EMX1: variants seen among roughly 807,000 people sequenced by gnomAD.
The protein encoded by EMX1 is empty spiracles homeobox 1, also known as homeobox protein EMX1.
EMX1 carries 10 observed loss-of-function variants against 20.1 expected under a neutral mutation model. That is an observed-to-expected ratio of 0.50 (90% CI 0.31 to 0.84). The LOEUF is 0.84. Among genes scored for constraint, EMX1 ranks in the 40% least tolerant of loss-of-function variants. EMX1 has a pLI of 0.05. For synonymous variants in EMX1, 250 were observed against 200.4 expected (o/e 1.25, Z -2.09); for missense variants, 424 against 431.9 (o/e 0.98, Z 0.16).
In EMX1 at chr2:72,930,878, C is replaced by T. The variant is rs369645246; in HGVS notation, c.706-2909C>T. 6.6e-6 allele frequency among the ~76,000 whole-genome samples: 1 copy of T among 152,188 alleles called. No individual in the cohort carries two copies. Among genetic ancestry groups the T allele is most frequent in the Non-Finnish European group, 1.5e-5 (1 of 68,036 alleles). ...AAAAGTAGAAAGAAGAAAGAAACAT[C>T]ACCCACACTTTAGGTATATTTCCTT... On this transcript the variant is annotated intron_variant, in intron 2 of 2. Transcript: ENST00000258106. The surrounding 1 kb of genome is among the most constrained non-coding windows in gnomAD (Gnocchi z 4.4).
At chr2:72,924,555 G>A (rs948243243) in intron 2 of EMX1, 62 bp downstream of exon 2, 3 of 1,473,200 alleles carry the variant, frequency 2.0e-6, no homozygotes, top group African/African-American at 1.4e-5. Flanking sequence ...GAGGGTGCGC[G>A]GGTGCAGGAG....
chr2:72,926,498 C>T (rs573893895), intron 2 of EMX1: 6 of 195,042 alleles, frequency 3.1e-5, no homozygotes, highest in South Asian at 1.8e-4. Flanking sequence ...GGGAACCTGC[C>T]GTGGCAGCCT....
chr2:72,920,479 G>T (rs1441394082), intron 1 of EMX1, among the ~76,000 whole-genome samples: 1 of 152,194 alleles, frequency 6.6e-6, no homozygotes, highest in African/African-American at 2.4e-5. Context: ...CGCTGCAGAC[G>T]GATGCGCTCC....
intron 1 of EMX1, 171 bp from the exon 2 acceptor site, chr2:72,924,138 G>A: frequency 1.3e-6 from 1 of 788,884 alleles, no homozygotes; most frequent in Non-Finnish European, 2.1e-6. Context: ...ACTTAGGGAA[G>A]GGGCGGCAAA....
intron 1 of EMX1, among the ~76,000 whole-genome samples, chr2:72,923,037 T>G (rs373535839): frequency 1.3e-5 from 2 of 152,212 alleles, no homozygotes; most frequent in Non-Finnish European, 2.9e-5. Flanking sequence ...GGGCCTGTTA[T>G]GAGTCTGTTA....
chr2:72,931,883 G>A (rs971089585), intron 2 of EMX1, among the ~76,000 whole-genome samples: 6 of 152,244 alleles, frequency 3.9e-5, no homozygotes, highest in African/African-American at 7.2e-5. Flanking sequence ...GGCAGATGGC[G>A]CAGTGGAAGT....
At position 72,917,988 on chromosome 2, in the gene EMX1, G is replaced by C; in HGVS notation, c.136G>C (p.Glu46Gln). ...QPAAKRGFTI[E>Q]SLVAKDGGTG... ...CGCGGCCAAGCGCGGCTTTACCATAGAGTCCTTGGTGGCCAAGGACGGCGG... is the reference window on the plus strand; with the variant it reads ...CGCGGCCAAGCGCGGCTTTACCATACAGTCCTTGGTGGCCAAGGACGGCGG... The change falls in exon 1 of 3, where the codon GAG becomes CAG. Residue 46 changes from glutamate to glutamine, a missense_variant. Glu to Gln is a conservative substitution (Grantham distance 29). Transcript: ENST00000258106. 6.7e-7 allele frequency: 1 copy of C among 1,482,310 alleles called. No individual in the cohort carries two copies. The allele number at this position is 1,482,310 out of a possible 1,614,324, so 91.8% of individuals were successfully genotyped here. A position where few individuals can be genotyped will look rare whatever the true frequency, so the allele number is the denominator to read the frequency against.
At chr2:72,916,640 C>G (rs1559055733), upstream of EMX1, 1 of 702,542 alleles carries the variant, frequency 1.4e-6, no homozygotes, top group East Asian at 2.7e-5. Flanking sequence ...CGAGGGAGGT[C>G]AGGCTGCTTC....
intron 2 of EMX1, chr2:72,925,861 G>A (rs1399817737): frequency 3.0e-6 from 3 of 985,302 alleles, no homozygotes; most frequent in Middle Eastern, 5.2e-4. Flanking sequence ...ACGGGTCGGA[G>A]GCAGGACCCG....
chr2:72,920,870 G>A (rs1671090328), intron 1 of EMX1, among the ~76,000 whole-genome samples: 1 of 152,218 alleles, frequency 6.6e-6, no homozygotes, highest in African/African-American at 2.4e-5. Context: ...GGAACTTTCC[G>A]GGTCTAGGAG....
At chr2:72,916,726 G>C (rs1029212252), upstream of EMX1, 1 of 717,404 alleles carries the variant, frequency 1.4e-6, no homozygotes, top group South Asian at 1.5e-5. Flanking sequence ...AAGCCACAGT[G>C]TCTCCGAGGC....
At position 72,917,519 on chromosome 2, in the gene EMX1, A is replaced by C; in HGVS notation, c.-334A>C. On this transcript the variant is annotated 5_prime_UTR_variant, in exon 1 of 3. Coordinates refer to ENST00000258106, the MANE Select transcript of EMX1 (RefSeq NM_004097.3). ...GGCGAGCGCGGGGCAGGTGCCCGCT[A>C]ACTCGCGCCTCGCAGCGCTGGGCGG... 1 of 184,466 alleles carries C rather than the reference A, an allele frequency of 5.4e-6. No individual in the cohort carries two copies. Among genetic ancestry groups the C allele is most frequent in the Non-Finnish European group, 1.1e-5 (1 of 90,132 alleles). The allele number at this position is 184,466 out of a possible 1,614,324, so 11.4% of individuals were successfully genotyped here. A position where few individuals can be genotyped will look rare whatever the true frequency, so the allele number is the denominator to read the frequency against.
intron 2 of EMX1, among the ~76,000 whole-genome samples, chr2:72,928,715 T>A (rs1231643461): frequency 1.3e-5 from 2 of 152,030 alleles, no homozygotes; most frequent in East Asian, 3.9e-4. Context: ...TCTTACTGAG[T>A]GATGAAGGCT....
At chr2:72,923,471 G>A (rs1671136632) in intron 1 of EMX1, 2 of 152,246 alleles carry the variant, frequency 1.3e-5, no homozygotes, top group Non-Finnish European at 2.9e-5. Context: ...GGAGTCTCCA[G>A]TGTGTGTGTT....
chr2:72,933,894 G>A lies in EMX1; in HGVS notation c.813G>A (p.Arg271=). The A allele has an allele frequency of 6.2e-7, 1 of 1,614,266 alleles. No homozygotes were observed. Among genetic ancestry groups the A allele is most frequent in the Non-Finnish European group, 8.5e-7 (1 of 1,180,048 alleles). ...AGAAGGGCTCCCATCACATCAACCG[G>A]TGGCGCATTGCCACGAAGCAGGCCA... ...QKKKGSHHIN[R]WRIATKQANG... Residue 271 remains arginine, a synonymous_variant, in exon 3 of 3, where the codon CGG becomes CGA. Transcript: ENST00000258106.
upstream of EMX1, chr2:72,916,421 G>T: frequency 1.9e-6 from 1 of 540,254 alleles, no homozygotes; most frequent in Non-Finnish European, 3.3e-6. Context: ...CAAGGTCCAG[G>T]TCCCAGCCTC....
intron 2 of EMX1, 108 bp from the exon 3 acceptor site, chr2:72,933,679 C>A: frequency 7.0e-7 from 1 of 1,435,852 alleles, no homozygotes. Flanking sequence ...CCCTATGTAG[C>A]CTCAGTCTTC....
intron 2 of EMX1, among the ~76,000 whole-genome samples, chr2:72,931,485 A>G (rs1380532639): frequency 2.0e-5 from 3 of 152,158 alleles, no homozygotes; most frequent in African/African-American, 7.2e-5. Context: ...AGTCACGCAC[A>G]GGAGGCAGGG....
At chr2:72,925,850 C>G in intron 2 of EMX1, 2 of 985,438 alleles carry the variant, frequency 2.0e-6, no homozygotes, top group Non-Finnish European at 2.4e-6. Flanking sequence ...ACAAATCGCT[C>G]ACGGGTCGGA....
Sources: gnomAD v4.1 joint callset for allele counts (sites outside exome capture counted in the v4.1 genomes callset) on GRCh38, gnomAD v4.1.1 for gene constraint, Gnocchi (gnomAD v3.1) non-coding constraint, MANE v1.5 for transcripts, NCBI Gene and HGNC (gene_info 2026-07-23, HGNC 2026-07-21) for gene names.